PPP1R12A: variants seen among roughly 807,000 people sequenced by gnomAD.
The protein encoded by PPP1R12A is myosin binding subunit.
In PPP1R12A, 19 loss-of-function variants were observed where a neutral mutation model predicts 139.6. That is an observed-to-expected ratio of 0.14 (90% CI 0.09 to 0.20). PPP1R12A has a LOEUF of 0.20. Ranked by LOEUF, PPP1R12A falls within the 10% of genes least tolerant of loss-of-function variation. PPP1R12A has a pLI of 1.00. For missense variants in PPP1R12A, 925 were observed against 1,211.5 expected (o/e 0.76, Z 3.51); for synonymous variants, 427 against 420.6 (o/e 1.02, Z -0.19).
chr12:79,894,167 T>A (rs183820246), intron 1 of PPP1R12A, among the ~76,000 whole-genome samples: 1 of 152,180 alleles, frequency 6.6e-6, no homozygotes, highest in South Asian at 2.1e-4. Context: ...AAAAATTACA[T>A]AACCAATAGC....
rs568632247 is a variant in PPP1R12A at position 79,932,470 on chromosome 12, C to T, written c.237+2225G>A. Among the ~76,000 whole-genome samples, 4 of 152,166 alleles carry T rather than the reference C, an allele frequency of 2.6e-5. No homozygotes were observed. The East Asian group carries it at 5.8e-4, about 22-fold the overall frequency. On this transcript the variant is annotated intron_variant, in intron 1 of 24. Coordinates refer to ENST00000450142, the MANE Select transcript of PPP1R12A (RefSeq NM_002480.3). ...GATATTTTAAAGACTTTGGCTTCAC[C>T]GATTTAAGGCATTTGCAGATATGGA...
intron 3 of PPP1R12A, among the ~76,000 whole-genome samples, chr12:79,839,454 AGG>A (rs916946448): frequency 6.6e-6 from 1 of 152,070 alleles, no homozygotes; most frequent in African/African-American, 2.4e-5. Context: ...GAGATTTGGA[AGG>A]GGCCAGGAGT....
At chr12:79,855,488 T>C (rs756501387) in intron 2 of PPP1R12A, among the ~76,000 whole-genome samples, 1 of 152,178 alleles carries the variant, frequency 6.6e-6, no homozygotes, top group Non-Finnish European at 1.5e-5. Flanking sequence ...TGTGGGTATA[T>C]AACCAATAAT....
chr12:79,830,461 A>T (rs1048907664), intron 4 of PPP1R12A, among the ~76,000 whole-genome samples: 9 of 152,334 alleles, frequency 5.9e-5, no homozygotes, highest in Non-Finnish European at 4.4e-5. Context: ...GCTAGCACGT[A>T]TCTTACTTCC....
At chr12:79,864,049 C>T (rs918570611) in intron 2 of PPP1R12A, among the ~76,000 whole-genome samples, 2 of 152,162 alleles carry the variant, frequency 1.3e-5, no homozygotes, top group African/African-American at 4.8e-5. Context: ...CTTCTCAGCA[C>T]CACATGGCCC....
chr12:79,901,997 G>C (rs1461206604), intron 1 of PPP1R12A, among the ~76,000 whole-genome samples: 2 of 152,162 alleles, frequency 1.3e-5, no homozygotes, highest in African/African-American at 2.4e-5. Flanking sequence ...ATATGAATGG[G>C]CTCAGGATAT....
chr12:79,857,107 A>G (rs1880749731), intron 2 of PPP1R12A, among the ~76,000 whole-genome samples: 1 of 152,222 alleles, frequency 6.6e-6, no homozygotes, highest in Non-Finnish European at 1.5e-5. Flanking sequence ...ACTATAAATC[A>G]TGCTGCTATA....
chr12:79,882,752 G>A (rs1312110174), intron 1 of PPP1R12A, among the ~76,000 whole-genome samples: 1 of 152,142 alleles, frequency 6.6e-6, no homozygotes, highest in East Asian at 1.9e-4. Context: ...GTCAGTTGAT[G>A]AGGGAAACTT....
At chr12:79,835,302 C>T (rs1174687840) in intron 3 of PPP1R12A, among the ~76,000 whole-genome samples, 5 of 152,064 alleles carry the variant, frequency 3.3e-5, no homozygotes, top group Admixed American at 6.5e-5. Context: ...GACTGAAACA[C>T]GCTACTGGCT....
At chr12:79,846,511 G>A (rs531617678) in intron 2 of PPP1R12A, among the ~76,000 whole-genome samples, 1 of 151,568 alleles carries the variant, frequency 6.6e-6, no homozygotes, top group South Asian at 2.1e-4. Context: ...CTCACTGCAA[G>A]CTCCACCTCC....
intron 22 of PPP1R12A, 82 bp from the exon 23 acceptor site, chr12:79,781,944 T>C: frequency 1.4e-6 from 1 of 709,154 alleles, no homozygotes. Flanking sequence ...TTAATAGGTA[T>C]TAAATCACAA....
intron 9 of PPP1R12A, among the ~76,000 whole-genome samples, chr12:79,812,813 T>A (rs1477394837): frequency 6.6e-6 from 1 of 152,228 alleles, no homozygotes; most frequent in East Asian, 1.9e-4. Context: ...ACTAAGTATA[T>A]CTCTTCAATC....
At chr12:79,876,457 T>G (rs376621389) in intron 1 of PPP1R12A, among the ~76,000 whole-genome samples, 6 of 152,142 alleles carry the variant, frequency 3.9e-5, no homozygotes, top group African/African-American at 1.4e-4. Flanking sequence ...ATTAAGTAGC[T>G]TGAATAAGTC....
At chr12:79,844,559 G>T (rs1879161506) in intron 3 of PPP1R12A, among the ~76,000 whole-genome samples, 1 of 151,982 alleles carries the variant, frequency 6.6e-6, no homozygotes, top group Admixed American at 6.6e-5. Flanking sequence ...ATTTTGTCTG[G>T]ATTATGTCAG....
At chr12:79,903,406 A>G (rs1298356407) in intron 1 of PPP1R12A, among the ~76,000 whole-genome samples, 2 of 151,694 alleles carry the variant, frequency 1.3e-5, no homozygotes, top group Non-Finnish European at 2.9e-5. Context: ...AGCTGAGATC[A>G]CAGCACTGCA....
At chr12:79,912,678 AG>A (rs1218936553) in intron 1 of PPP1R12A, among the ~76,000 whole-genome samples, 1 of 151,614 alleles carries the variant, frequency 6.6e-6, no homozygotes, top group African/African-American at 2.4e-5. Flanking sequence ...TGGGTGACAG[AG>A]GAAAGCCTGA....
chr12:79,822,522 TA>T (rs1253560223), intron 5 of PPP1R12A, among the ~76,000 whole-genome samples: 1 of 152,198 alleles, frequency 6.6e-6, no homozygotes, highest in African/African-American at 2.4e-5. Context: ...CAATTTCAAA[TA>T]TTTTTATCAC....
chr12:79,797,160 C>G, intron 16 of PPP1R12A, 35 bp downstream of exon 16: 1 of 1,505,506 alleles, frequency 6.6e-7, no homozygotes, highest in Non-Finnish European at 9.0e-7. Flanking sequence ...CTATTCATAC[C>G]ATTTGACTTA....
At position 79,857,635 on chromosome 12, in the gene PPP1R12A, ATCTT is replaced by A. The variant is rs1315137645; in HGVS notation, c.369-12219_369-12216del. On this transcript the variant is annotated intron_variant, in intron 2 of 24. Transcript: ENST00000450142. ...ATAAACGAATGTTACCTCCTCCAGA[ATCTT>A]TCTTTAATTGGCCTAGACAGAATTA... is the stretch of plus-strand genomic sequence containing the variant. 2.0e-5 allele frequency among the ~76,000 whole-genome samples: 3 copies of A among 152,174 alleles called. No homozygotes were observed. In the South Asian group the frequency reaches 6.2e-4, roughly 32 times the overall value.
Sources: gnomAD v4.1 joint callset for allele counts (sites outside exome capture counted in the v4.1 genomes callset) on GRCh38, gnomAD v4.1.1 for gene constraint, MANE v1.5 for transcripts, NCBI Gene and HGNC (gene_info 2026-07-23, HGNC 2026-07-21) for gene names.